MAK16: variants seen among roughly 807,000 people sequenced by gnomAD.
MAK16 encodes the protein protein MAK16 homolog.
Under a neutral mutation model 49.9 loss-of-function variants are expected in MAK16, and 12 were observed. That is an observed-to-expected ratio of 0.24 (90% CI 0.15 to 0.39). The LOEUF (loss-of-function observed/expected upper bound fraction) is 0.39. Among genes scored for constraint, MAK16 ranks in the 10% least tolerant of loss-of-function variants. The pLI is 1.00. For missense variants in MAK16, 292 were observed against 363.7 expected, an observed-to-expected ratio of 0.80 and a Z score of 1.60; for synonymous variants, 115 against 126.4, an observed-to-expected ratio of 0.91 and a Z score of 0.60.
chr8:33,499,362 A>G lies in MAK16; in HGVS notation c.*733A>G, dbSNP rs897680077. 4 of 981,442 alleles carry G rather than the reference A, an allele frequency of 4.1e-6. No individual in the cohort carries two copies. The African/African-American group carries it at 4.8e-5, about 12-fold the overall frequency. The allele number at this position is 981,442 out of a possible 1,614,324, so 60.8% of individuals were successfully genotyped here. A position where few individuals can be genotyped will look rare whatever the true frequency, so the allele number is the denominator to read the frequency against. On this transcript the variant is annotated 3_prime_UTR_variant, in exon 10 of 10. Transcript: ENST00000360128. ...TGCTTGATTCTTCTTCCTTGGTATC[A>G]TATTCAAAGGAGGAAAGAATGGATG...
Position 33,498,997 on chromosome 8 carries a change from A to AT in MAK16, c.*374dup. 1 of 623,662 alleles carries AT rather than the reference A, an allele frequency of 1.6e-6. No homozygotes were observed. Among genetic ancestry groups the AT allele is most frequent in the South Asian group, 2.0e-5 (1 of 50,152 alleles). The allele number at this position is 623,662 out of a possible 1,614,324, so 38.6% of individuals were successfully genotyped here. A position where few individuals can be genotyped will look rare whatever the true frequency, so the allele number is the denominator to read the frequency against. ...TTTATTTAGAAATGGAAGGAGTTCAATTTTTTCTTGTTCTACTTTCCCTAT... is the reference window on the plus strand; with the variant it reads ...TTTATTTAGAAATGGAAGGAGTTCAATTTTTTTCTTGTTCTACTTTCCCTAT... On this transcript the variant is annotated 3_prime_UTR_variant, in exon 10 of 10. Coordinates refer to ENST00000360128, the MANE Select transcript of MAK16 (RefSeq NM_032509.4).
Position 33,489,543 on chromosome 8 carries a change from AT to A in MAK16, c.392+412del, listed in dbSNP as rs924651674. 2.0e-5 allele frequency among the ~76,000 whole-genome samples: 3 copies of A among 151,670 alleles called. No homozygotes were observed. The highest frequency in any genetic ancestry group is 7.3e-5 in the African/African-American group (3 of 41,280). ...AGGCATGGACCACCATGCCTGGTTA[AT>A]TTTTTTTGTATTTTTAGTAGAGATG... On this transcript the variant is annotated intron_variant, in intron 5 of 9. Coordinates refer to ENST00000360128, the MANE Select transcript of MAK16 (RefSeq NM_032509.4). This position sits in a 1 kb window ranked among gnomAD's most constrained non-coding sequence, Gnocchi z 4.2.
chr8:33,488,471 C>CTCTTT, intron 2 of MAK16, 44 bp downstream of exon 2: 1 of 1,613,572 alleles, frequency 6.2e-7, no homozygotes, highest in Non-Finnish European at 8.5e-7. Context: ...CTTCAGTTGC[C>CTCTTT]TCTTTGGCAA....
intron 3 of MAK16, 26 bp from the exon 4 acceptor site, chr8:33,488,708 C>G: frequency 6.2e-7 from 1 of 1,613,210 alleles, no homozygotes; most frequent in Non-Finnish European, 8.5e-7. Context: ...GTAAATAACA[C>G]TAAAGCTATT....
Position 33,500,695 on chromosome 8 carries a change from C to T in MAK16, c.*2066C>T. The T allele has an allele frequency of 1.8e-6, 1 of 547,550 alleles. No homozygotes were observed. The allele number at this position is 547,550 out of a possible 1,614,324, so 33.9% of individuals were successfully genotyped here. ...GTCTCCTGTTAGCATACTGCCTATA[C>T]ACACAGACACACCCTCTGCCACACT... On this transcript the variant is annotated 3_prime_UTR_variant, in exon 10 of 10. Transcript: ENST00000360128.
At position 33,490,298 on chromosome 8, in the gene MAK16, C is replaced by A. The variant is rs769766696; in HGVS notation, c.406C>A (p.Pro136Thr). The change falls in exon 6 of 10, where the codon CCT becomes ACT. Residue 136 changes from proline (P) to threonine (T), a missense_variant. Physicochemically the swap from Pro to Thr is conservative, Grantham distance 38. Coordinates refer to ENST00000360128, the MANE Select transcript of MAK16 (RefSeq NM_032509.4). ...TCTTTCCCTTAGGAGGAAACTTGTT[C>A]CTTTGAGTAAGAAGGTGGAGCGTAG... is the stretch of plus-strand genomic sequence containing the variant. ...LTLKRQRKLV[P>T]LSKKVERREK... The A allele has an allele frequency of 6.2e-7, 1 of 1,612,522 alleles. No homozygotes were observed. Among genetic ancestry groups the A allele is most frequent in the Non-Finnish European group, 8.5e-7 (1 of 1,178,810 alleles).
At position 33,489,189 on chromosome 8, in the gene MAK16, T is replaced by C; in HGVS notation, c.392+50T>C. 6.5e-7 allele frequency: 1 copy of C among 1,545,346 alleles called. No homozygotes were observed. Among genetic ancestry groups the C allele is most frequent in the Non-Finnish European group, 8.8e-7 (1 of 1,131,998 alleles). On this transcript the variant is annotated intron_variant, in intron 5 of 9. Transcript: ENST00000360128. This position sits in a 1 kb window ranked among gnomAD's most constrained non-coding sequence, Gnocchi z 4.2. ...TTTTAAATCTCTCTTTTTATGGAGC[T>C]TGTTTTGAAGTTGAGAAATTGTGAA...
chr8:33,493,119 A>G lies in MAK16; in HGVS notation c.448-2423A>G, dbSNP rs367840865. ...TGGTCTGCAAAGTTGTGCTCACCTCAGTAAAATTTTTGAACATGTATTCCC... is the reference window on the plus strand; with the variant it reads ...TGGTCTGCAAAGTTGTGCTCACCTCGGTAAAATTTTTGAACATGTATTCCC... On this transcript the variant is annotated intron_variant, in intron 6 of 9. Coordinates refer to ENST00000360128, the MANE Select transcript of MAK16 (RefSeq NM_032509.4). 8.5e-5 allele frequency among the ~76,000 whole-genome samples: 13 copies of G among 152,218 alleles called. No homozygotes were observed. In the East Asian group the frequency reaches 1.3e-3, roughly 16 times the overall value.
intron 6 of MAK16, among the ~76,000 whole-genome samples, chr8:33,491,877 A>C (rs1271913076): frequency 6.6e-6 from 1 of 151,938 alleles, no homozygotes; most frequent in Non-Finnish European, 1.5e-5. Context: ...CAAGCAATCC[A>C]ACCACTTCAG....
At chr8:33,485,334 A>T in intron 1 of MAK16, 113 bp downstream of exon 1, 1 of 1,413,616 alleles carries the variant, frequency 7.1e-7, no homozygotes, top group Non-Finnish European at 1.0e-6. Flanking sequence ...GCCGCTCTGG[A>T]TGTGAGGCTT....
At chr8:33,497,352 AAAC>A (rs373920208) in intron 9 of MAK16, 55 bp downstream of exon 9, 35,416 of 806,152 alleles carry the variant, frequency 0.044, 873 homozygotes, top group East Asian at 0.053. Flanking sequence ...AAAAAAAAAA[AAAC>A]AAAAACAGGG....
At chr8:33,485,342 C>G (rs1808668904) in intron 1 of MAK16, 121 bp downstream of exon 1, 1 of 1,316,218 alleles carries the variant, frequency 7.6e-7, no homozygotes, top group African/African-American at 1.4e-5. Flanking sequence ...GGATGTGAGG[C>G]TTCCGGAACC....
rs776638754 is a variant in MAK16 at position 33,488,722 on chromosome 8, C to T, written c.176-12C>T. 6.2e-7 allele frequency: 1 copy of T among 1,614,066 alleles called. No homozygotes were observed. The highest frequency in any genetic ancestry group is 8.5e-7 in the Non-Finnish European group (1 of 1,179,930). ...TGTAAATAACACTAAAGCTATTTTA[C>T]TTTATCTTCAGGACAGTGCTACTTG... On this transcript the variant is annotated splice_polypyrimidine_tract_variant and intron_variant, in intron 3 of 9. Coordinates refer to ENST00000360128, the MANE Select transcript of MAK16 (RefSeq NM_032509.4).
intron 8 of MAK16, 91 bp from the exon 9 acceptor site, chr8:33,497,141 G>C: frequency 1.1e-6 from 1 of 937,986 alleles, no homozygotes; most frequent in South Asian, 1.6e-5. Flanking sequence ...AAAAGACTGT[G>C]GTTCTCATTA....
At position 33,498,750 on chromosome 8, in the gene MAK16, T is replaced by G; in HGVS notation, c.*121T>G. 1.2e-6 allele frequency: 1 copy of G among 844,900 alleles called. No individual in the cohort carries two copies. The highest frequency in any genetic ancestry group is 1.8e-6 in the Non-Finnish European group (1 of 547,926). 52.3% of individuals were successfully genotyped at this position (844,900 alleles called of 1,614,324 possible). ...TTTGTGTTGTACTGAACACAATATT[T>G]GTGTTTTTATTATTTATGCCACGTC... On this transcript the variant is annotated 3_prime_UTR_variant, in exon 10 of 10. Transcript: ENST00000360128.
chr8:33,496,655 G>A lies in MAK16; in HGVS notation c.553G>A (p.Ala185Thr). 1 of 1,613,284 alleles carries A rather than the reference G, an allele frequency of 6.2e-7. No individual in the cohort carries two copies. Among genetic ancestry groups the A allele is most frequent in the South Asian group, 1.1e-5 (1 of 91,014 alleles). Residue 185 changes from alanine to threonine, a missense_variant, in exon 8 of 10, where the codon GCC (alanine) becomes ACC (threonine). Transcript: ENST00000360128. ...YGDIYNFPIH[A>T]FDKALEQQEA... is the part of the protein sequence containing the mutation. Reference sequence around the variant, plus strand: ...CGACATCTACAACTTCCCCATTCATGCCTTCGACAAAGCCCTGGAACAACA... The same window carrying A: ...CGACATCTACAACTTCCCCATTCATACCTTCGACAAAGCCCTGGAACAACA...
At position 33,496,706 on chromosome 8, in the gene MAK16, A is replaced by T; in HGVS notation, c.604A>T (p.Thr202Ser). Residue 202 changes from threonine to serine, a missense_variant, in exon 8 of 10, where the codon ACT becomes TCT. Transcript: ENST00000360128. The part of the protein sequence containing the change: ...QQEAESDSSD[T>S]EEKDDDDDDE... The stretch of plus-strand genomic sequence containing the variant: ...GGAGGCAGAGAGTGACTCTTCAGAT[A>T]CTGAGGAAAAAGATGATGATGATGA... 1 of 1,612,678 alleles carries T rather than the reference A, an allele frequency of 6.2e-7. No individual in the cohort carries two copies. Among genetic ancestry groups the T allele is most frequent in the African/African-American group, 1.3e-5 (1 of 74,732 alleles).
chr8:33,496,881 G>A (rs1009755874), intron 8 of MAK16, 140 bp downstream of exon 8: 6 of 647,460 alleles, frequency 9.3e-6, no homozygotes, highest in Non-Finnish European at 1.5e-5. Flanking sequence ...GTTTAGCACT[G>A]GTTGCTCTGT....
At chr8:33,498,354 G>A in intron 9 of MAK16, 78 bp from the exon 10 acceptor site, 1 of 1,276,422 alleles carries the variant, frequency 7.8e-7, no homozygotes, top group East Asian at 2.4e-5. Context: ...GTCTGTTCTA[G>A]ATTGAGGGGA....
Sources: allele counts gnomAD v4.1 joint callset (sites outside exome capture counted in the v4.1 genomes callset), GRCh38; gene constraint gnomAD v4.1.1; non-coding constraint Gnocchi (gnomAD v3.1); transcripts MANE v1.5; gene names NCBI Gene and HGNC (gene_info 2026-07-23, HGNC 2026-07-21).